TUBGCP3: variants seen among roughly 807,000 people sequenced by gnomAD.
TUBGCP3 encodes gamma-tubulin complex component 3.
TUBGCP3 carries 50 observed loss-of-function variants against 123.1 expected under a neutral mutation model. The ratio of observed to expected loss-of-function variants is 0.41; its 90% CI spans 0.32 to 0.51. The LOEUF (loss-of-function observed/expected upper bound fraction) is 0.51. TUBGCP3 is among the 20% of genes least tolerant of loss of function. TUBGCP3 has a pLI of 0.36. For synonymous variants in TUBGCP3, 405 were observed against 413.9 expected (o/e 0.98, Z 0.26); for missense variants, 882 against 1,127.0 (o/e 0.78, Z 3.11).
intron 17 of TUBGCP3, among the ~76,000 whole-genome samples, chr13:112,506,857 T>C (rs1881340360): frequency 6.6e-6 from 1 of 152,212 alleles, no homozygotes; most frequent in African/African-American, 2.4e-5. Flanking sequence ...TTCGGTGAGA[T>C]TCTAAGGACA....
chr13:112,600,544 T>C, the TUBGCP3 span, among the ~76,000 whole-genome samples: 1 of 152,236 alleles, frequency 6.6e-6, no homozygotes, highest in Admixed American at 6.5e-5. Flanking sequence ...TGAAAGTAGA[T>C]GGATAAATTA....
At chr13:112,537,674 GA>G (rs1878175811) in intron 11 of TUBGCP3, among the ~76,000 whole-genome samples, 1 of 151,996 alleles carries the variant, frequency 6.6e-6, no homozygotes. Context: ...TTTTTTTAAG[GA>G]ATCTGAGAAG....
chr13:112,558,383 C>A lies in TUBGCP3; in HGVS notation c.361G>T (p.Ala121Ser). The change falls in exon 5 of 22, where the codon GCC (alanine) becomes TCC (serine). Residue 121 changes from alanine (A) to serine (S), a missense_variant. By Grantham distance (99) the Ala-to-Ser change is moderately conservative (BLOSUM62 1). Coordinates refer to ENST00000261965, the MANE Select transcript of TUBGCP3 (RefSeq NM_006322.6). ...GTTGAGTGGGCATCTCTTGGTAAGGCCTGAGCAAATAACGTAGCATAGCTA... is the reference window on the plus strand; with the variant it reads ...GTTGAGTGGGCATCTCTTGGTAAGGACTGAGCAAATAACGTAGCATAGCTA... ...VSSYATLFAQ[A>S]LPRDAHSTPY... 6.3e-7 allele frequency: 1 copy of A among 1,590,790 alleles called. No homozygotes were observed. Among genetic ancestry groups the A allele is most frequent in the Non-Finnish European group, 8.6e-7 (1 of 1,162,054 alleles).
upstream of TUBGCP3, among the ~76,000 whole-genome samples, chr13:112,591,721 T>C (rs1882886367): frequency 6.6e-6 from 1 of 152,234 alleles, no homozygotes; most frequent in Non-Finnish European, 1.5e-5. Flanking sequence ...CAAGTGTGCA[T>C]CACTGGCCTA....
intron 13 of TUBGCP3, among the ~76,000 whole-genome samples, chr13:112,525,340 C>A (rs1315984100): frequency 6.6e-6 from 1 of 152,152 alleles, no homozygotes; most frequent in Non-Finnish European, 1.5e-5. Context: ...TTGAGCCTTG[C>A]CTGAAAATAC....
rs760887442 is a variant in TUBGCP3 at position 112,489,710 on chromosome 13, A to G, written c.2449-13T>C. The G allele has an allele frequency of 1.9e-6, 3 of 1,600,906 alleles. No individual in the cohort carries two copies. The Admixed American group carries it at 5.0e-5, about 27-fold the overall frequency. The stretch of plus-strand genomic sequence containing the variant: ...CTCCCCACTGGCCCTGAACAATCAA[A>G]AGTACCAAATGTCAGTAAAATCACG... On this transcript the variant is annotated splice_polypyrimidine_tract_variant and intron_variant, in intron 20 of 21. Coordinates refer to ENST00000261965, the MANE Select transcript of TUBGCP3 (RefSeq NM_006322.6).
In TUBGCP3 at chr13:112,547,643, G is replaced by T; in HGVS notation, c.1145C>A (p.Ala382Glu). 2 of 1,564,824 alleles carry T rather than the reference G, an allele frequency of 1.3e-6. No homozygotes were observed. Among genetic ancestry groups the T allele is most frequent in the Non-Finnish European group, 1.7e-6 (2 of 1,151,894 alleles). The change falls in exon 10 of 22, where the codon GCG (alanine) becomes GAG (glutamate). Residue 382 changes from alanine (A) to glutamate (E), a missense_variant. By Grantham distance (107) the Ala-to-Glu change is moderately radical (BLOSUM62 -1). Around this residue, in one of 3 missense-constraint regions of TUBGCP3, gnomAD observed 713 missense variants for 874.0 expected, o/e 0.82. Transcript: ENST00000261965. ...ACCTTGGCAGTGGTCCACTAGGGCC[G>T]CAAGGGTCTTCAGTCGTATTTTGGG... ...YDPKIRLKTL[A>E]ALVDHCQGRK...
intron 5 of TUBGCP3, 88 bp from the exon 6 acceptor site, chr13:112,556,312 G>A (rs1415175192): frequency 1.6e-5 from 20 of 1,248,148 alleles, no homozygotes; most frequent in Admixed American, 2.2e-5. Flanking sequence ...TATTACTATC[G>A]TGAATTACAT....
chr13:112,489,457 A>T (rs1879925989), intron 21 of TUBGCP3, 124 bp downstream of exon 21: 2 of 752,998 alleles, frequency 2.7e-6, no homozygotes, highest in Non-Finnish European at 4.8e-6. Flanking sequence ...GGTGCTACTC[A>T]CACCTACACA....
At chr13:112,562,975 ACGCTGTTCCCTGCCCT>A (rs1880639071) in intron 3 of TUBGCP3, among the ~76,000 whole-genome samples, 1 of 152,210 alleles carries the variant, frequency 6.6e-6, no homozygotes, top group African/African-American at 2.4e-5. Flanking sequence ...CAGCACCTGC[ACGCTGTTCCCTGCCCT>A]CGAGGCCAGA....
Position 112,544,249 on chromosome 13 carries a change from C to T in TUBGCP3, c.1335+1450G>A, listed in dbSNP as rs9604353. On this transcript the variant is annotated intron_variant, in intron 11 of 21. Transcript: ENST00000261965. Reference sequence around the variant, plus strand: ...CGGGCAGATCACAAGGTCAGGAGATCGAGACCATCCTGGCTAACACAGTGA... The same window carrying T: ...CGGGCAGATCACAAGGTCAGGAGATTGAGACCATCCTGGCTAACACAGTGA... Among the ~76,000 whole-genome samples the T allele has an allele frequency of 9.9e-4, 151 of 151,946 alleles. 2 individuals are homozygous for T. The highest frequency in any genetic ancestry group is 2.0e-3 in the Admixed American group (30 of 15,274).
rs538032792 is a variant in TUBGCP3, at chr13:112,488,816, C to G, written c.2565+765G>C. Among the ~76,000 whole-genome samples, 418 of 141,486 alleles carry G rather than the reference C, an allele frequency of 3.0e-3. 4 individuals carry two copies. Among genetic ancestry groups the G allele is most frequent in the African/African-American group, 0.011 (397 of 37,132 alleles). 92.8% of individuals were successfully genotyped at this position (141,486 alleles called of 152,430 possible). A position where few individuals can be genotyped will look rare whatever the true frequency, so the allele number is the denominator to read the frequency against. The stretch of plus-strand genomic sequence containing the variant: ...ACCACAGGGGAGCAAAGGGGTCACC[C>G]CCAGGTCCCCACACCCACCACAGGG... On this transcript the variant is annotated intron_variant, in intron 21 of 21. Transcript: ENST00000261965.
chr13:112,578,231 T>C (rs907556857), intron 1 of TUBGCP3, among the ~76,000 whole-genome samples: 52 of 145,604 alleles, frequency 3.6e-4, no homozygotes, highest in African/African-American at 1.2e-3. Flanking sequence ...CCTTGCTCCT[T>C]GCTCTCCCAG....
chr13:112,528,902 A>G (rs1594149565), intron 11 of TUBGCP3, among the ~76,000 whole-genome samples: 1 of 151,706 alleles, frequency 6.6e-6, no homozygotes, highest in Non-Finnish European at 1.5e-5. Flanking sequence ...CCCAGGCTGG[A>G]GTACACTGGC....
Position 112,497,343 on chromosome 13 carries a change from A to G in TUBGCP3, c.2448+1702T>C, listed in dbSNP as rs190714562. 1.4e-4 allele frequency among the ~76,000 whole-genome samples: 22 copies of G among 152,342 alleles called. No individual in the cohort carries two copies. The South Asian group carries it at 2.5e-3, about 17-fold the overall frequency. On this transcript the variant is annotated intron_variant, in intron 20 of 21. Transcript: ENST00000261965. Reference sequence around the variant, plus strand: ...CCAGGAGCTTCTGTGTGCCAACTCTACAACACTTCAGAATTACCAAAATTC... The same window carrying G: ...CCAGGAGCTTCTGTGTGCCAACTCTGCAACACTTCAGAATTACCAAAATTC...
rs144738020 is a variant in TUBGCP3 at position 112,542,072 on chromosome 13, T to A, written c.1335+3627A>T. Among the ~76,000 whole-genome samples, 23 of 152,302 alleles carry A rather than the reference T, an allele frequency of 1.5e-4. No individual in the cohort carries two copies. The East Asian group carries it at 4.2e-3, about 28-fold the overall frequency. ...CAGAACTTTTTATTTCTGGTGTACATGCTGGTCAAAGTATTTCTCATAAAT... is the reference window on the plus strand; with the variant it reads ...CAGAACTTTTTATTTCTGGTGTACAAGCTGGTCAAAGTATTTCTCATAAAT... On this transcript the variant is annotated intron_variant, in intron 11 of 21. Transcript: ENST00000261965.
chr13:112,602,368 A>G, the TUBGCP3 span, among the ~76,000 whole-genome samples: 1 of 152,120 alleles, frequency 6.6e-6, no homozygotes, highest in Non-Finnish European at 1.5e-5. Flanking sequence ...CACCCAGATT[A>G]ATAATATAAA....
chr13:112,569,931 A>C (rs745698075), intron 1 of TUBGCP3, among the ~76,000 whole-genome samples: 6 of 152,050 alleles, frequency 3.9e-5, no homozygotes, highest in Non-Finnish European at 5.9e-5. Context: ...GAATGGGGAG[A>C]GGGGAGTGGG....
chr13:112,493,805 A>C (rs1439324395), intron 20 of TUBGCP3, among the ~76,000 whole-genome samples: 2 of 138,542 alleles, frequency 1.4e-5, no homozygotes, highest in African/African-American at 5.5e-5. Context: ...GAGATGCTCT[A>C]GCTATGGGAA....
Sources: gnomAD v4.1 joint callset for allele counts (sites outside exome capture counted in the v4.1 genomes callset) on GRCh38, gnomAD v4.1.1 for gene constraint, gnomAD v4.1.1 regional missense constraint, MANE v1.5 for transcripts, NCBI Gene and HGNC (gene_info 2026-07-23, HGNC 2026-07-21) for gene names.